The following EPS8 variants were observed in gnomAD, a reference collection of about 807,000 sequenced individuals.
The protein encoded by EPS8 is EGFR pathway substrate 8, signaling adaptor, also known as epidermal growth factor receptor kinase substrate 8.
EPS8 carries 42 observed loss-of-function variants against 103.8 expected under a neutral mutation model. The ratio of observed to expected loss-of-function variants is 0.40; its 90% CI spans 0.32 to 0.52. The LOEUF (loss-of-function observed/expected upper bound fraction) is 0.52, where lower values mean the gene tolerates loss of function less well. Ranked by LOEUF, EPS8 falls within the 20% of genes least tolerant of loss-of-function variation. The probability of loss-of-function intolerance (pLI) is 0.40; values close to 1 mark genes in which losing one functional copy is unlikely to be tolerated. For synonymous variants in EPS8, 344 were observed against 344.6 expected (o/e 1.00, Z 0.02); for missense variants, 969 against 1,005.1 (o/e 0.96, Z 0.49).
chr12:15,665,656 T>C (rs767743880), intron 8 of EPS8, 100 bp downstream of exon 8: 2 of 1,446,250 alleles, frequency 1.4e-6, no homozygotes, highest in Admixed American at 3.8e-5. Context: ...AAAACTAACC[T>C]CAAGCTTCAG....
chr12:15,658,981 A>G (rs1239551317), intron 10 of EPS8, among the ~76,000 whole-genome samples: 1 of 152,206 alleles, frequency 6.6e-6, no homozygotes. Context: ...AAGGAAATGG[A>G]TACTTAAAAG....
Position 15,640,810 on chromosome 12 carries a change from T to A in EPS8, c.1714A>T (p.Asn572Tyr). 17 of 1,613,952 alleles carry A rather than the reference T, an allele frequency of 1.1e-5. No individual in the cohort carries two copies. The highest frequency in any genetic ancestry group is 1.4e-5 in the Non-Finnish European group (16 of 1,179,882). ...DDRKQWWKVR[N>Y]ASGDSGFVPN... ...ACAAATCCAGAGTCTCCACTTGCAT[T>A]TCGAACTTTCCACCATTGCTTCCGA... The change falls in exon 17 of 21, where the codon AAT becomes TAT. Residue 572 changes from asparagine to tyrosine, a missense_variant. Coordinates refer to ENST00000281172, the MANE Select transcript of EPS8 (RefSeq NM_004447.6).
chr12:15,626,279 C>T (rs1944943619), intron 18 of EPS8, among the ~76,000 whole-genome samples: 1 of 152,138 alleles, frequency 6.6e-6, no homozygotes, highest in South Asian at 2.1e-4. Context: ...TGCTTCCACT[C>T]CCTACCACCC....
intron 1 of EPS8, among the ~76,000 whole-genome samples, chr12:15,723,815 T>C (rs1340041251): frequency 1.3e-5 from 2 of 152,148 alleles, no homozygotes; most frequent in Non-Finnish European, 2.9e-5. Flanking sequence ...AGTAAAGTCA[T>C]TTTATACTTA....
intron 1 of EPS8, among the ~76,000 whole-genome samples, chr12:15,732,490 A>C (rs1247659077): frequency 1.3e-5 from 2 of 152,134 alleles, no homozygotes; most frequent in Non-Finnish European, 2.9e-5. Context: ...CCCTTTTACA[A>C]CTATAACATT....
rs1193215884 is a variant in EPS8 at position 15,764,721 on chromosome 12, G to A, written c.-22+24440C>T. 2.0e-5 allele frequency among the ~76,000 whole-genome samples: 3 copies of A among 152,108 alleles called. No individual in the cohort carries two copies. The highest frequency in any genetic ancestry group is 2.9e-5 in the Non-Finnish European group (2 of 68,018). ...AGCAATTCTGAGGTGCTAGATCTTA[G>A]GGAAAGGGAAAGGTTCAGCTAAGAC... On this transcript the variant is annotated intron_variant, in intron 1 of 20. Transcript: ENST00000281172. The surrounding 1 kb of genome is among the most constrained non-coding windows in gnomAD (Gnocchi z 4.1).
intron 1 of EPS8, among the ~76,000 whole-genome samples, chr12:15,691,830 G>A (rs74063347): frequency 3.8e-3 from 578 of 152,182 alleles, no homozygotes; most frequent in African/African-American, 0.013. Flanking sequence ...TTTGTCTTCT[G>A]TTTGTTAATA....
In EPS8 at chr12:15,762,312, G is replaced by C. The variant is rs892354334; in HGVS notation, c.-22+26849C>G. On this transcript the variant is annotated intron_variant, in intron 1 of 20. Transcript: ENST00000281172. This position sits in a 1 kb window ranked among gnomAD's most constrained non-coding sequence, Gnocchi z 4.8. ...AATGCCGACAAGGATGTAGAGAAAA[G>C]GGAACCCTCATACACTGTTGGTGGC... Among the ~76,000 whole-genome samples the C allele has an allele frequency of 1.3e-5, 2 of 152,166 alleles. No homozygotes were observed. The highest frequency in any genetic ancestry group is 4.8e-5 in the African/African-American group (2 of 41,442).
chr12:15,719,942 G>C (rs1946576590), intron 1 of EPS8, among the ~76,000 whole-genome samples: 1 of 152,138 alleles, frequency 6.6e-6, no homozygotes, highest in African/African-American at 2.4e-5. Flanking sequence ...CCATGGATTT[G>C]AAATCTAAAC....
chr12:15,633,984 T>G (rs1945093424), intron 17 of EPS8, among the ~76,000 whole-genome samples: 1 of 152,228 alleles, frequency 6.6e-6, no homozygotes, highest in African/African-American at 2.4e-5. Flanking sequence ...GTCTGTCTTT[T>G]GGCTATTTTT....
chr12:15,663,588 A>C (rs1945645204), intron 8 of EPS8, among the ~76,000 whole-genome samples: 2 of 152,134 alleles, frequency 1.3e-5, no homozygotes, highest in South Asian at 4.1e-4. Context: ...ATTTAATGAA[A>C]GCTCAGAAAC....
Position 15,624,331 on chromosome 12 carries a change from C to T in EPS8, c.2121G>A (p.Lys707=), listed in dbSNP as rs971389492. The change falls in exon 19 of 21, where the codon AAG becomes AAA. Residue 707 remains lysine (K), a synonymous_variant. Coordinates refer to ENST00000281172, the MANE Select transcript of EPS8 (RefSeq NM_004447.6). ...RLTIGRSAAQ[K]KFHVPRQNVP... is the part of the protein sequence containing the mutation. Reference sequence around the variant, plus strand: ...CGTTCTGCCGTGGCACATGGAATTTCTTCTGAGCGGCACTCCGACCAATGG... The same window carrying T: ...CGTTCTGCCGTGGCACATGGAATTTTTTCTGAGCGGCACTCCGACCAATGG... 2 of 1,612,258 alleles carry T rather than the reference C, an allele frequency of 1.2e-6. No individual in the cohort carries two copies. Among genetic ancestry groups the T allele is most frequent in the Non-Finnish European group, 1.7e-6 (2 of 1,178,856 alleles).
At chr12:15,678,803 A>C (rs1945953038) in intron 3 of EPS8, among the ~76,000 whole-genome samples, 1 of 150,388 alleles carries the variant, frequency 6.6e-6, no homozygotes, top group South Asian at 2.1e-4. Context: ...AGTCCCTGCT[A>C]CTCTGGAGGC....
rs985474835 is a variant in EPS8, at chr12:15,734,490, C to T, written c.-21-51518G>A. On this transcript the variant is annotated intron_variant, in intron 1 of 20. Transcript: ENST00000281172. This position sits in a 1 kb window ranked among gnomAD's most constrained non-coding sequence, Gnocchi z 4.1. ...CGGGTGGATCACGAGGTCAGGAGAT[C>T]GAGACCATCCTGGCTAACACGGTGA... Among the ~76,000 whole-genome samples the T allele has an allele frequency of 1.2e-4, 19 of 152,076 alleles. No individual in the cohort carries two copies. The highest frequency in any genetic ancestry group is 3.1e-4 in the African/African-American group (13 of 41,506).
In EPS8 at chr12:15,734,740, A is replaced by C. The variant is rs11056612; in HGVS notation, c.-21-51768T>G. 4.0e-3 allele frequency among the ~76,000 whole-genome samples: 615 copies of C among 152,258 alleles called. 7 individuals are homozygous for C. Among genetic ancestry groups the C allele is most frequent in the East Asian group, 0.031 (159 of 5,186 alleles). ...ACAAAAAACAAACAAACAAAAAAAA[A>C]CAAAAAAGATTCTCTGCACGTAACT... On this transcript the variant is annotated intron_variant, in intron 1 of 20. Coordinates refer to ENST00000281172, the MANE Select transcript of EPS8 (RefSeq NM_004447.6). The surrounding 1 kb of genome is among the most constrained non-coding windows in gnomAD (Gnocchi z 4.1).
rs750003853 is a variant in EPS8 at position 15,717,861 on chromosome 12, G to A, written c.-21-34889C>T. ...GGCAATGTTTAGGAATGCATTAAGG[G>A]AAACACCACACAAACTTATTTGATT... On this transcript the variant is annotated intron_variant, in intron 1 of 20. Transcript: ENST00000281172. The surrounding 1 kb of genome is among the most constrained non-coding windows in gnomAD (Gnocchi z 4.3). 7.0e-4 allele frequency among the ~76,000 whole-genome samples: 106 copies of A among 152,234 alleles called. No individual in the cohort carries two copies. Among genetic ancestry groups the A allele is most frequent in the Non-Finnish European group, 8.2e-4 (56 of 68,010 alleles).
intron 17 of EPS8, among the ~76,000 whole-genome samples, chr12:15,633,618 T>C (rs1431499971): frequency 1.3e-5 from 2 of 152,248 alleles, no homozygotes; most frequent in African/African-American, 4.8e-5. Context: ...AATGCAACTT[T>C]ATCAGTATGA....
intron 3 of EPS8, among the ~76,000 whole-genome samples, chr12:15,674,222 CAGCTA>C (rs1230625425): frequency 2.6e-5 from 4 of 152,086 alleles, no homozygotes; most frequent in Admixed American, 2.6e-4. Context: ...TTCAAAGATA[CAGCTA>C]ATATTTAGAA....
intron 12 of EPS8, among the ~76,000 whole-genome samples, chr12:15,655,366 C>T (rs1945489308): frequency 6.6e-6 from 1 of 152,208 alleles, no homozygotes; most frequent in Non-Finnish European, 1.5e-5. Context: ...CACTATTACA[C>T]TGTAATTTAT....
Sources: allele counts gnomAD v4.1 joint callset (sites outside exome capture counted in the v4.1 genomes callset), GRCh38; gene constraint gnomAD v4.1.1; non-coding constraint Gnocchi (gnomAD v3.1); transcripts MANE v1.5; gene names NCBI Gene and HGNC (gene_info 2026-07-23, HGNC 2026-07-21).